ANKRD30B: variants seen among roughly 807,000 people sequenced by gnomAD.
ANKRD30B encodes ankyrin repeat domain 30B, also known as ankyrin repeat domain-containing protein 30B.
ANKRD30B carries 144 observed loss-of-function variants against 202.2 expected under a neutral mutation model. The observed-to-expected ratio is 0.71, with a 90% CI of 0.62 to 0.82. The LOEUF (loss-of-function observed/expected upper bound fraction) is 0.82. ANKRD30B is among the 40% of genes least tolerant of loss of function. ANKRD30B has a pLI of 0.00. For missense variants in ANKRD30B, 1,487 were observed against 1,669.1 expected (o/e 0.89, Z 1.90); for synonymous variants, 508 against 561.3 (o/e 0.91, Z 1.34).
At chr18:14,894,095 C>T in the ANKRD30B span, among the ~76,000 whole-genome samples, 4 of 152,172 alleles carry the variant, frequency 2.6e-5, no homozygotes, top group Admixed American at 1.3e-4. Context: ...GGATGTCACC[C>T]TTACACACTA....
chr18:14,826,755 C>T (rs1224705765), intron 32 of ANKRD30B, among the ~76,000 whole-genome samples: 1 of 146,168 alleles, frequency 6.8e-6, no homozygotes, highest in Admixed American at 6.9e-5. Context: ...TTATCCAAGG[C>T]GTGTATTTTC....
chr18:14,834,869 C>T (rs1221367606), intron 34 of ANKRD30B, among the ~76,000 whole-genome samples: 1 of 151,870 alleles, frequency 6.6e-6, no homozygotes, highest in Non-Finnish European at 1.5e-5. Flanking sequence ...AACTTTATGT[C>T]TTATATTTAA....
In ANKRD30B at chr18:14,752,634, G is replaced by A. The variant is rs760980412; in HGVS notation, c.290G>A (p.Cys97Tyr). Residue 97 changes from cysteine (C) to tyrosine (Y), a missense_variant, in exon 2 of 44, where the codon TGC becomes TAC. Physicochemically the swap from Cys to Tyr is radical, Grantham distance 194. This residue lies in a region of ANKRD30B where 889 missense variants were observed against 841.4 expected (regional missense o/e 1.06). Coordinates refer to ENST00000690538, the MANE Select transcript of ANKRD30B (RefSeq NM_001367607.2). Reference protein sequence around the residue: ...EVVTFLVDRKCQLNVLDGEGR... With the variant: ...EVVTFLVDRKYQLNVLDGEGR... ...GTAACATTTCTGGTAGACAGAAAGT[G>A]CCAGCTTAATGTCCTTGATGGCGAA... The A allele has an allele frequency of 5.6e-6, 9 of 1,610,880 alleles. No individual in the cohort carries two copies. Among genetic ancestry groups the A allele is most frequent in the Middle Eastern group, 1.6e-4 (1 of 6,078 alleles).
At chr18:14,934,908 C>CCACACACACACACA in the ANKRD30B span, among the ~76,000 whole-genome samples, 31 of 134,686 alleles carry the variant, frequency 2.3e-4, no homozygotes, top group South Asian at 7.6e-4. Context: ...CCTCCCTCTA[C>CCACACACACACACA]CACACACACA....
intron 9 of ANKRD30B, among the ~76,000 whole-genome samples, chr18:14,772,870 T>A (rs1243088964): frequency 1.3e-5 from 2 of 152,136 alleles, no homozygotes; most frequent in Non-Finnish European, 2.9e-5. Context: ...TAGTTCCAGC[T>A]ACCAGGGAGG....
At chr18:14,926,923 TTGTG>T in the ANKRD30B span, among the ~76,000 whole-genome samples, 2,085 of 147,732 alleles carry the variant, frequency 0.014, 47 homozygotes, top group African/African-American at 0.047. Context: ...TGAGCAAGGG[TTGTG>T]TGTGTGTGTG....
chr18:14,893,511 TGA>T, the ANKRD30B span, among the ~76,000 whole-genome samples: 5 of 152,034 alleles, frequency 3.3e-5, no homozygotes, highest in African/African-American at 1.2e-4. Flanking sequence ...CTCGGGAGGC[TGA>T]GTCAGGAGAA....
the ANKRD30B span, among the ~76,000 whole-genome samples, chr18:14,904,196 A>G: frequency 6.6e-6 from 1 of 152,218 alleles, no homozygotes; most frequent in Non-Finnish European, 1.5e-5. Flanking sequence ...AGTTTCTGGA[A>G]AACAGTTTCT....
At chr18:14,848,989 A>T (rs1239749855) in intron 40 of ANKRD30B, 60 bp downstream of exon 40, 1 of 1,365,218 alleles carries the variant, frequency 7.3e-7, no homozygotes, top group Non-Finnish European at 9.5e-7. Context: ...TATGTAGGAT[A>T]CTTTTTGTAA....
At chr18:14,904,694 A>T in the ANKRD30B span, among the ~76,000 whole-genome samples, 1 of 152,226 alleles carries the variant, frequency 6.6e-6, no homozygotes, top group Admixed American at 6.5e-5. Context: ...ATTCTTAACC[A>T]ATATGAGTGA....
intron 1 of ANKRD30B, among the ~76,000 whole-genome samples, chr18:14,749,032 G>C (rs1434189661): frequency 3.3e-5 from 5 of 152,204 alleles, no homozygotes; most frequent in Non-Finnish European, 5.9e-5. Flanking sequence ...CTATGAAATG[G>C]TGCATAATGA....
rs751436169 is a variant in ANKRD30B, at chr18:14,826,673, T to TCC, written c.2744-1601_2744-1600dup. On this transcript the variant is annotated intron_variant, in intron 32 of 43. Coordinates refer to ENST00000690538, the MANE Select transcript of ANKRD30B (RefSeq NM_001367607.2). Reference sequence around the variant, plus strand: ...TGTATTGTTTCTCTCTCTCTCTCTCTCCCCCTCTCTCTCTCTCTCTCACAC... The same window carrying TCC: ...TGTATTGTTTCTCTCTCTCTCTCTCTCCCCCCCTCTCTCTCTCTCTCTCACAC... 2.9e-3 allele frequency among the ~76,000 whole-genome samples: 346 copies of TCC among 120,138 alleles called. 2 individuals carry two copies. Among genetic ancestry groups the TCC allele is most frequent in the East Asian group, 0.023 (89 of 3,822 alleles). The allele number at this position is 120,138 out of a possible 152,430, so 78.8% of individuals were successfully genotyped here.
intron 6 of ANKRD30B, among the ~76,000 whole-genome samples, chr18:14,762,047 G>T (rs1915342781): frequency 6.6e-6 from 1 of 152,124 alleles, no homozygotes; most frequent in Admixed American, 6.6e-5. Context: ...ACAATAAAGT[G>T]AGCTGGAGGA....
chr18:14,839,832 C>G (rs1416174628), intron 36 of ANKRD30B, among the ~76,000 whole-genome samples: 3 of 152,214 alleles, frequency 2.0e-5, no homozygotes, highest in Middle Eastern at 3.2e-3. Context: ...CTTCGCACGA[C>G]ATACTCTGAA....
chr18:14,806,827 T>G (rs1442854365), intron 24 of ANKRD30B, among the ~76,000 whole-genome samples: 1 of 150,170 alleles, frequency 6.7e-6, no homozygotes, highest in Non-Finnish European at 1.5e-5. Context: ...TTAGTGAGGA[T>G]GTACATTTAT....
chr18:14,869,869 C>G, the ANKRD30B span, among the ~76,000 whole-genome samples: 6 of 152,132 alleles, frequency 3.9e-5, no homozygotes, highest in Non-Finnish European at 8.8e-5. Context: ...GGGTCTCACT[C>G]TGTCGCCCAG....
chr18:14,791,989 A>G (rs1443703748), intron 16 of ANKRD30B, among the ~76,000 whole-genome samples: 2 of 152,164 alleles, frequency 1.3e-5, no homozygotes, highest in African/African-American at 4.8e-5. Context: ...GTGGGAAGCC[A>G]TTAGGGATGG....
chr18:14,787,449 T>G (rs533301508), intron 15 of ANKRD30B, among the ~76,000 whole-genome samples: 3 of 152,314 alleles, frequency 2.0e-5, no homozygotes, highest in East Asian at 3.9e-4. Flanking sequence ...GTCTTATATC[T>G]AGATGTACAA....
chr18:14,874,109 A>G, the ANKRD30B span, among the ~76,000 whole-genome samples: 2 of 152,238 alleles, frequency 1.3e-5, no homozygotes, highest in East Asian at 1.9e-4. Flanking sequence ...TGTCTCACCA[A>G]TTAAGTGAGT....
Sources: allele counts gnomAD v4.1 joint callset (sites outside exome capture counted in the v4.1 genomes callset), GRCh38; gene constraint gnomAD v4.1.1; regional missense constraint gnomAD v4.1.1; transcripts MANE v1.5; gene names NCBI Gene and HGNC (gene_info 2026-07-23, HGNC 2026-07-21).